The following AUTS2 variants were observed in gnomAD, a reference collection of about 807,000 sequenced individuals.
AUTS2 encodes the protein activator of transcription and developmental regulator AUTS2, also known as autism susceptibility gene 2 protein.
AUTS2 carries 17 observed loss-of-function variants against 112.4 expected under a neutral mutation model. The ratio of observed to expected loss-of-function variants is 0.15; its 90% CI spans 0.10 to 0.23. AUTS2 has a LOEUF of 0.23. Among genes scored for constraint, AUTS2 ranks in the 10% least tolerant of loss-of-function variants. AUTS2 has a pLI of 1.00. For missense variants in AUTS2, 1,510 were observed against 1,701.6 expected, an observed-to-expected ratio of 0.89 and a Z score of 1.98; for synonymous variants, 751 against 702.7, an observed-to-expected ratio of 1.07 and a Z score of -1.09.
At chr7:70,616,141 T>G (rs1049589297) in intron 5 of AUTS2, among the ~76,000 whole-genome samples, 10 of 152,220 alleles carry the variant, frequency 6.6e-5, no homozygotes, top group Non-Finnish European at 5.9e-5. Context: ...CTTCTTCAGA[T>G]TTTCCCTATT....
At chr7:70,112,804 T>C (rs1292851711) in intron 2 of AUTS2, among the ~76,000 whole-genome samples, 1 of 152,048 alleles carries the variant, frequency 6.6e-6, no homozygotes. Flanking sequence ...TCTATCCATC[T>C]CTCTGTCTTA....
intron 4 of AUTS2, among the ~76,000 whole-genome samples, chr7:70,238,344 G>C (rs191890305): frequency 4.4e-4 from 67 of 152,304 alleles, no homozygotes; most frequent in Admixed American, 4.4e-3. Context: ...AGTGCTGTCC[G>C]CTTTAGCTTT....
chr7:69,984,674 C>T (rs1798434256), intron 2 of AUTS2, among the ~76,000 whole-genome samples: 1 of 152,168 alleles, frequency 6.6e-6, no homozygotes, highest in Admixed American at 6.5e-5. Context: ...GGTGGATAGT[C>T]TCTAGAAATC....
chr7:70,723,341 C>T (rs1205316457), intron 6 of AUTS2, among the ~76,000 whole-genome samples: 1 of 152,168 alleles, frequency 6.6e-6, no homozygotes, highest in Non-Finnish European at 1.5e-5. Flanking sequence ...TTCTGGGAGA[C>T]ACCACATTCA....
At chr7:70,347,911 T>G (rs1791572168) in intron 4 of AUTS2, among the ~76,000 whole-genome samples, 1 of 152,168 alleles carries the variant, frequency 6.6e-6, no homozygotes, top group African/African-American at 2.4e-5. Flanking sequence ...CTGGCTTATG[T>G]CATCCTCCTG....
Position 70,528,099 on chromosome 7 carries a change from T to TA in AUTS2, c.690+92318_690+92319insA, listed in dbSNP as rs1563018061. Among the ~76,000 whole-genome samples the TA allele has an allele frequency of 5.6e-4, 52 of 92,794 alleles. 2 individuals are homozygous for TA. The highest frequency in any genetic ancestry group is 2.0e-3 in the Admixed American group (19 of 9,472). The allele number at this position is 92,794 out of a possible 152,430, so 60.9% of individuals were successfully genotyped here. ...AGTTCACTTAAATTTAAGGATTTTT[T>TA]TTTTTTTTTTTTTTTTTTTTACTGG... On this transcript the variant is annotated intron_variant, in intron 5 of 18. Transcript: ENST00000342771.
intron 4 of AUTS2, among the ~76,000 whole-genome samples, chr7:70,143,305 C>T (rs1806956528): frequency 6.6e-6 from 1 of 152,168 alleles, no homozygotes; most frequent in South Asian, 2.1e-4. Context: ...AGAAGCCAAA[C>T]ATTTAAAATG....
chr7:70,254,465 G>T (rs1277974711), intron 4 of AUTS2, among the ~76,000 whole-genome samples: 1 of 152,054 alleles, frequency 6.6e-6, no homozygotes, highest in Non-Finnish European at 1.5e-5. Flanking sequence ...ACCTGATCAG[G>T]TTGGAGAACT....
intron 4 of AUTS2, among the ~76,000 whole-genome samples, chr7:70,167,161 G>A (rs181371279): frequency 1.1e-4 from 16 of 152,270 alleles, no homozygotes; most frequent in Non-Finnish European, 7.3e-5. Flanking sequence ...GGGAGGTAGA[G>A]GTTGCAGTGA....
chr7:69,990,168 T>C (rs12698829), intron 2 of AUTS2, among the ~76,000 whole-genome samples: 20,261 of 152,204 alleles, frequency 0.13, 1,373 homozygotes, highest in South Asian at 0.19. Context: ...ATCTGTAAAA[T>C]AGGGTTACTA....
intron 5 of AUTS2, among the ~76,000 whole-genome samples, chr7:70,531,943 G>C (rs1800112162): frequency 6.6e-6 from 1 of 152,222 alleles, no homozygotes; most frequent in Non-Finnish European, 1.5e-5. Context: ...GCTGATCTCT[G>C]CTGGCTTCTG....
At chr7:69,828,364 A>G (rs1019740083) in intron 1 of AUTS2, among the ~76,000 whole-genome samples, 1 of 152,168 alleles carries the variant, frequency 6.6e-6, no homozygotes, top group African/African-American at 2.4e-5. Context: ...TGAAATTGGC[A>G]GTTGCCATCT....
chr7:70,158,890 A>T (rs899516533), intron 4 of AUTS2, among the ~76,000 whole-genome samples: 1 of 152,122 alleles, frequency 6.6e-6, no homozygotes, highest in Admixed American at 6.5e-5. Flanking sequence ...GGCAATAAAT[A>T]TATAAATAAT....
chr7:70,063,710 T>C (rs1802362169), intron 2 of AUTS2, among the ~76,000 whole-genome samples: 1 of 152,248 alleles, frequency 6.6e-6, no homozygotes, highest in Admixed American at 6.5e-5. Flanking sequence ...CTCTCTTTTC[T>C]TCTTTGAATG....
intron 4 of AUTS2, among the ~76,000 whole-genome samples, chr7:70,339,796 G>C (rs1267018041): frequency 6.6e-6 from 1 of 152,140 alleles, no homozygotes; most frequent in Non-Finnish European, 1.5e-5. Context: ...TTGACATAAA[G>C]TAAGTATTAG....
In AUTS2 at chr7:70,611,788, A is replaced by G. The variant is rs538031508; in HGVS notation, c.691-86781A>G. Reference sequence around the variant, plus strand: ...CACTCACTCACTAGAATGTACTTATACTCACATTTACCAAAATGCCACTTA... The same window carrying G: ...CACTCACTCACTAGAATGTACTTATGCTCACATTTACCAAAATGCCACTTA... On this transcript the variant is annotated intron_variant, in intron 5 of 18. Transcript: ENST00000342771. 4.6e-5 allele frequency among the ~76,000 whole-genome samples: 7 copies of G among 152,316 alleles called. No homozygotes were observed. In the East Asian group the frequency reaches 1.3e-3, roughly 29 times the overall value.
At chr7:70,431,528 G>C (rs1008608519) in intron 4 of AUTS2, among the ~76,000 whole-genome samples, 9 of 152,168 alleles carry the variant, frequency 5.9e-5, no homozygotes, top group African/African-American at 1.7e-4. Flanking sequence ...TGGGATTACA[G>C]GCGCGTGCCA....
At chr7:70,175,257 G>A (rs1808923999) in intron 4 of AUTS2, among the ~76,000 whole-genome samples, 1 of 152,202 alleles carries the variant, frequency 6.6e-6, no homozygotes, top group African/African-American at 2.4e-5. Context: ...GGCCTTGAAG[G>A]TGTTACTGAA....
chr7:70,384,151 G>C (rs1258221611), intron 4 of AUTS2, among the ~76,000 whole-genome samples: 1 of 152,220 alleles, frequency 6.6e-6, no homozygotes, highest in Non-Finnish European at 1.5e-5. Context: ...CCTGTGATCT[G>C]TGCGCATGTG....
Sources: gnomAD v4.1 joint callset for allele counts (sites outside exome capture counted in the v4.1 genomes callset) on GRCh38, gnomAD v4.1.1 for gene constraint, MANE v1.5 for transcripts, NCBI Gene and HGNC (gene_info 2026-07-23, HGNC 2026-07-21) for gene names.